Variants in GRM1 observed in about 807,000 individuals in gnomAD.
GRM1 encodes glutamate metabotropic receptor 1.
GRM1 carries 33 observed loss-of-function variants against 90.9 expected under a neutral mutation model. The ratio of observed to expected loss-of-function variants is 0.36; its 90% CI spans 0.28 to 0.49. The LOEUF is 0.49. GRM1 is among the 20% of genes least tolerant of loss of function. The pLI, the probability that GRM1 is intolerant of heterozygous loss-of-function variation, is 0.99. For synonymous variants in GRM1, 700 were observed against 613.2 expected, an observed-to-expected ratio of 1.14 and a Z score of -2.09; for missense variants, 1,190 against 1,534.3, an observed-to-expected ratio of 0.78 and a Z score of 3.75.
At chr6:146,300,094 T>C (rs892112204) in intron 2 of GRM1, among the ~76,000 whole-genome samples, 7 of 152,246 alleles carry the variant, frequency 4.6e-5, no homozygotes, top group Non-Finnish European at 8.8e-5. Flanking sequence ...GGTTTTCGTC[T>C]TTTCCCTATT....
intron 2 of GRM1, among the ~76,000 whole-genome samples, chr6:146,252,357 G>C (rs1583224561): frequency 6.6e-6 from 1 of 152,188 alleles, no homozygotes; most frequent in Non-Finnish European, 1.5e-5. Flanking sequence ...GATAAATTAG[G>C]CTGGGTGTGG....
intron 2 of GRM1, among the ~76,000 whole-genome samples, chr6:146,299,747 A>G (rs985373354): frequency 2.0e-5 from 3 of 152,108 alleles, no homozygotes; most frequent in Non-Finnish European, 4.4e-5. Context: ...TTGCCGTAGC[A>G]TCTCTTCTGC....
intron 5 of GRM1, among the ~76,000 whole-genome samples, chr6:146,361,646 T>C (rs73579024): frequency 0.049 from 7,526 of 152,268 alleles, 267 homozygotes; most frequent in African/African-American, 0.097. Flanking sequence ...AAAAGGACCC[T>C]TTTAAAGCAG....
chr6:146,363,812 T>C (rs1278637379), intron 5 of GRM1, among the ~76,000 whole-genome samples: 1 of 152,248 alleles, frequency 6.6e-6, no homozygotes, highest in East Asian at 1.9e-4. Flanking sequence ...CCTTATCATT[T>C]CCACTTTGCA....
chr6:146,163,491 C>T (rs893205456), intron 2 of GRM1, among the ~76,000 whole-genome samples: 1 of 152,154 alleles, frequency 6.6e-6, no homozygotes, highest in African/African-American at 2.4e-5. Context: ...ATATTATTCC[C>T]CTTTCAATGT....
At chr6:146,097,616 A>G (rs1446339696) in intron 1 of GRM1, among the ~76,000 whole-genome samples, 1 of 152,188 alleles carries the variant, frequency 6.6e-6, no homozygotes, top group Non-Finnish European at 1.5e-5. Flanking sequence ...CAAATTACCT[A>G]TCCAGTATCT....
intron 2 of GRM1, among the ~76,000 whole-genome samples, chr6:146,192,006 TG>T (rs1778949252): frequency 1.3e-5 from 2 of 152,246 alleles, no homozygotes; most frequent in Non-Finnish European, 2.9e-5. Flanking sequence ...TGCAATCTTT[TG>T]TTTGTGCTAA....
Position 146,428,856 on chromosome 6 carries a change from G to A in GRM1, c.2661-5016G>A, listed in dbSNP as rs139163222. 6.4e-3 allele frequency among the ~76,000 whole-genome samples: 979 copies of A among 152,262 alleles called. 13 individuals carry two copies. Among genetic ancestry groups the A allele is most frequent in the Middle Eastern group, 0.031 (9 of 294 alleles). On this transcript the variant is annotated intron_variant, in intron 7 of 7. Transcript: ENST00000282753. ...CCATCAGAATTCTATTCTTTAATAT[G>A]AAATAAATTGGGTAATGTTCTCAGG... is the stretch of plus-strand genomic sequence containing the variant.
intron 1 of GRM1, among the ~76,000 whole-genome samples, chr6:146,151,897 C>T (rs1777350848): frequency 6.6e-6 from 1 of 152,186 alleles, no homozygotes; most frequent in African/African-American, 2.4e-5. Context: ...CCCATCAGTT[C>T]TGTCTAGAAG....
chr6:146,132,146 G>C (rs185499664), intron 1 of GRM1, among the ~76,000 whole-genome samples: 2 of 152,306 alleles, frequency 1.3e-5, no homozygotes, highest in Non-Finnish European at 2.9e-5. Context: ...AGCTATAAAG[G>C]AGTTTTGGAC....
chr6:146,095,915 G>T (rs1188372440), intron 1 of GRM1, among the ~76,000 whole-genome samples: 1 of 152,082 alleles, frequency 6.6e-6, no homozygotes, highest in African/African-American at 2.4e-5. Context: ...TGGTTAACTT[G>T]ACTCCTCTAG....
chr6:146,395,085 C>T (rs1237613960), intron 6 of GRM1, among the ~76,000 whole-genome samples: 2 of 151,882 alleles, frequency 1.3e-5, no homozygotes, highest in African/African-American at 4.8e-5. Flanking sequence ...CTTGAGATAT[C>T]TACAGATTTT....
intron 1 of GRM1, among the ~76,000 whole-genome samples, chr6:146,127,105 T>C (rs528835737): frequency 6.6e-6 from 1 of 152,218 alleles, no homozygotes; most frequent in African/African-American, 2.4e-5. Context: ...TCATATTAAA[T>C]TTGCCTTGAC....
In GRM1 at chr6:146,073,354, A is replaced by G. The variant is rs557062669; in HGVS notation, c.700+43137A>G. Among the ~76,000 whole-genome samples, 277 of 152,254 alleles carry G rather than the reference A, an allele frequency of 1.8e-3. 1 individual carries two copies. The highest frequency in any genetic ancestry group is 2.2e-3 in the Non-Finnish European group (147 of 68,012). ...ACATAGTTAAAGCATACTTTCTTGT[A>G]AAAGGAGAGGATTGGACTTTAAAGT... On this transcript the variant is annotated intron_variant, in intron 1 of 7. Transcript: ENST00000282753.
rs1783238630 is a variant in GRM1, at chr6:146,297,904, T to C, written c.951-6707T>C. 2.0e-5 allele frequency among the ~76,000 whole-genome samples: 3 copies of C among 152,176 alleles called. No individual in the cohort carries two copies. In the South Asian group the frequency reaches 6.2e-4, roughly 32 times the overall value. Reference sequence around the variant, plus strand: ...TCATTTCTTAGTCTCTCTTTCCCTTTCACTCTGTGTTCTTTTCTTCCTTTC... The same window carrying C: ...TCATTTCTTAGTCTCTCTTTCCCTTCCACTCTGTGTTCTTTTCTTCCTTTC... On this transcript the variant is annotated intron_variant, in intron 2 of 7. Transcript: ENST00000282753.
At chr6:146,378,172 A>G (rs1456801789) in intron 5 of GRM1, among the ~76,000 whole-genome samples, 1 of 152,118 alleles carries the variant, frequency 6.6e-6, no homozygotes, top group African/African-American at 2.4e-5. Flanking sequence ...CTCATGGAGA[A>G]CCTCTGCTAG....
chr6:146,373,623 T>C (rs1307680832), intron 5 of GRM1, among the ~76,000 whole-genome samples: 1 of 152,178 alleles, frequency 6.6e-6, no homozygotes, highest in Non-Finnish European at 1.5e-5. Flanking sequence ...AGTGTGGCTA[T>C]TGTAAATGAG....
chr6:146,246,425 T>C (rs1781061909), intron 2 of GRM1, among the ~76,000 whole-genome samples: 1 of 152,286 alleles, frequency 6.6e-6, no homozygotes, highest in Middle Eastern at 3.4e-3. Context: ...GTAATAGCTT[T>C]GGAAGGTACA....
intron 3 of GRM1, among the ~76,000 whole-genome samples, chr6:146,324,271 T>C (rs1447663628): frequency 6.6e-6 from 1 of 152,014 alleles, no homozygotes; most frequent in Admixed American, 6.6e-5. Context: ...CCTGGTCAAC[T>C]TCAGACTGCT....
Sources: gnomAD v4.1 joint callset for allele counts (sites outside exome capture counted in the v4.1 genomes callset) on GRCh38, gnomAD v4.1.1 for gene constraint, MANE v1.5 for transcripts, NCBI Gene and HGNC (gene_info 2026-07-23, HGNC 2026-07-21) for gene names.